The following ADGRL4 variants were observed in gnomAD, a reference collection of about 807,000 sequenced individuals.
ADGRL4 encodes the protein adhesion G protein-coupled receptor L4, also known as EGF, latrophilin and seven transmembrane domain containing 1.
ADGRL4 carries 90 observed loss-of-function variants against 74.8 expected under a neutral mutation model. The observed-to-expected ratio is 1.20, with a 90% CI of 1.02 to 1.43. The LOEUF is 1.43. ADGRL4 is among the 40% of genes most tolerant of loss of function. The pLI, the probability that ADGRL4 is intolerant of heterozygous loss-of-function variation, is 0.00. For missense variants in ADGRL4, 881 were observed against 814.3 expected (o/e 1.08, Z -1.00); for synonymous variants, 311 against 279.2 (o/e 1.11, Z -1.14).
intron 2 of ADGRL4, among the ~76,000 whole-genome samples, chr1:78,953,634 T>C (rs953249019): frequency 5.9e-5 from 9 of 152,126 alleles, no homozygotes; most frequent in Non-Finnish European, 8.8e-5. Context: ...TCATGCACTG[T>C]GTGTGAAGAA....
intron 12 of ADGRL4, among the ~76,000 whole-genome samples, chr1:78,903,497 C>T (rs528532828): frequency 7.9e-5 from 12 of 152,012 alleles, no homozygotes; most frequent in Admixed American, 2.0e-4. Context: ...AATGGTATTA[C>T]AAAACTCAAA....
At chr1:78,991,673 T>C (rs1461024514) in intron 2 of ADGRL4, among the ~76,000 whole-genome samples, 2 of 151,940 alleles carry the variant, frequency 1.3e-5, no homozygotes, top group Non-Finnish European at 2.9e-5. Flanking sequence ...GTGAGAAATA[T>C]AACTCCTAAA....
chr1:78,969,589 C>T (rs1650129187), intron 2 of ADGRL4, among the ~76,000 whole-genome samples: 1 of 152,040 alleles, frequency 6.6e-6, no homozygotes, highest in African/African-American at 2.4e-5. Context: ...TTCATCAAAG[C>T]CAATCCAAAG....
chr1:78,998,656 G>A (rs946473400), intron 2 of ADGRL4, among the ~76,000 whole-genome samples: 7 of 152,022 alleles, frequency 4.6e-5, no homozygotes, highest in East Asian at 1.9e-4. Flanking sequence ...GTCAGCCACC[G>A]CACCCAGCCA....
chr1:78,947,649 A>T (rs1649631302), intron 2 of ADGRL4, among the ~76,000 whole-genome samples: 1 of 152,098 alleles, frequency 6.6e-6, no homozygotes, highest in African/African-American at 2.4e-5. Flanking sequence ...AGAATATAGG[A>T]TAGGTAAGTA....
intron 2 of ADGRL4, among the ~76,000 whole-genome samples, chr1:78,947,813 G>A (rs2100696750): frequency 6.6e-6 from 1 of 152,232 alleles, no homozygotes; most frequent in East Asian, 1.9e-4. Flanking sequence ...ATAAAAACAA[G>A]TCAGGTTTGA....
At chr1:78,897,676 A>C (rs1648426080) in intron 12 of ADGRL4, among the ~76,000 whole-genome samples, 2 of 152,192 alleles carry the variant, frequency 1.3e-5, no homozygotes, top group Non-Finnish European at 2.9e-5. Context: ...GCCAGAAAAA[A>C]TACTTATCTA....
At chr1:78,962,654 A>AAT (rs1649978709) in intron 2 of ADGRL4, among the ~76,000 whole-genome samples, 2 of 152,182 alleles carry the variant, frequency 1.3e-5, no homozygotes, top group Non-Finnish European at 2.9e-5. Flanking sequence ...AATATAGTGA[A>AAT]ATATCATTCA....
Position 79,006,716 on chromosome 1 carries a change from C to T in ADGRL4, c.-62G>A. On this transcript the variant is annotated 5_prime_UTR_variant, in exon 1 of 15. Transcript: ENST00000370742. ...CGGCGGAGTGAGTGCGGCTGTGGACCCGGGACCGGGCGCCGCTGGGCGGGC... is the reference window on the plus strand; with the variant it reads ...CGGCGGAGTGAGTGCGGCTGTGGACTCGGGACCGGGCGCCGCTGGGCGGGC... The T allele has an allele frequency of 7.1e-7, 1 of 1,403,074 alleles. No homozygotes were observed. Among genetic ancestry groups the T allele is most frequent in the East Asian group, 3.0e-5 (1 of 33,226 alleles). 86.9% of individuals were successfully genotyped at this position (1,403,074 alleles called of 1,614,324 possible). A position where few individuals can be genotyped will look rare whatever the true frequency, so the allele number is the denominator to read the frequency against.
At chr1:78,991,716 A>T (rs576443291) in intron 2 of ADGRL4, among the ~76,000 whole-genome samples, 1 of 152,122 alleles carries the variant, frequency 6.6e-6, no homozygotes, top group South Asian at 2.1e-4. Context: ...AATATAGTCA[A>T]CCAACTAAGT....
intron 2 of ADGRL4, among the ~76,000 whole-genome samples, chr1:78,992,813 A>G (rs1427047380): frequency 6.6e-6 from 1 of 152,120 alleles, no homozygotes; most frequent in Non-Finnish European, 1.5e-5. Flanking sequence ...GCTATATAAT[A>G]TATACTGTAC....
Position 78,980,419 on chromosome 1 carries a change from T to C in ADGRL4, c.172+24651A>G, listed in dbSNP as rs551106705. On this transcript the variant is annotated intron_variant, in intron 2 of 14. Transcript: ENST00000370742. ...AGTAAAAACAAAATAAAAAAAACTG[T>C]CTCTTACAATATATCATTGTCTCCA... Among the ~76,000 whole-genome samples, 307 of 152,060 alleles carry C rather than the reference T, an allele frequency of 2.0e-3. 1 individual carries two copies. The highest frequency in any genetic ancestry group is 7.9e-3 in the Admixed American group (120 of 15,226).
At chr1:78,915,990 A>G (rs1648861892) in intron 12 of ADGRL4, among the ~76,000 whole-genome samples, 1 of 151,860 alleles carries the variant, frequency 6.6e-6, no homozygotes, top group Non-Finnish European at 1.5e-5. Flanking sequence ...CCCCTGGTTA[A>G]CCTGGAAATG....
At chr1:79,004,296 G>C (rs1650913517) in intron 2 of ADGRL4, among the ~76,000 whole-genome samples, 1 of 151,766 alleles carries the variant, frequency 6.6e-6, no homozygotes, top group African/African-American at 2.4e-5. Flanking sequence ...TTCTACACAG[G>C]ACGTTGGTCT....
At chr1:78,919,889 C>T (rs375427996) in intron 10 of ADGRL4, among the ~76,000 whole-genome samples, 2 of 151,854 alleles carry the variant, frequency 1.3e-5, no homozygotes, top group South Asian at 4.1e-4. Context: ...CTTTGTTTAA[C>T]GTCCATTTAA....
chr1:78,914,575 A>G (rs1003032221), intron 12 of ADGRL4, among the ~76,000 whole-genome samples: 2 of 151,796 alleles, frequency 1.3e-5, no homozygotes, highest in Non-Finnish European at 2.9e-5. Context: ...ACATTTGAAC[A>G]TTCCTACTTC....
At chr1:78,933,505 T>G (rs1649290178) in intron 7 of ADGRL4, among the ~76,000 whole-genome samples, 1 of 151,494 alleles carries the variant, frequency 6.6e-6, no homozygotes, top group Admixed American at 6.6e-5. Context: ...AAGCATTCCC[T>G]TTGAAAACTG....
chr1:78,920,324 A>G lies in ADGRL4; in HGVS notation c.1320T>C (p.Ile440=). 7 of 1,609,528 alleles carry G rather than the reference A, an allele frequency of 4.3e-6. No individual in the cohort carries two copies. Among genetic ancestry groups the G allele is most frequent in the Non-Finnish European group, 5.9e-6 (7 of 1,176,584 alleles). The change falls in exon 10 of 15, where the codon ATT becomes ATC. Residue 440 remains isoleucine (I), a synonymous_variant. Transcript: ENST00000370742. ...ITQLGIIISL[I]CLAICIFTFW... is the part of the protein sequence containing the mutation. ...AGGTAAAAATGCATATGGCAAGACAAATCAGTGAAATAATTATTCCTAGTT... is the reference window on the plus strand; with the variant it reads ...AGGTAAAAATGCATATGGCAAGACAGATCAGTGAAATAATTATTCCTAGTT...
chr1:78,976,584 T>C (rs1240047679), intron 2 of ADGRL4, among the ~76,000 whole-genome samples: 1 of 151,724 alleles, frequency 6.6e-6, no homozygotes, highest in Non-Finnish European at 1.5e-5. Context: ...ACATGTTAAA[T>C]AATTATATAT....
Sources: gnomAD v4.1 joint callset for allele counts (sites outside exome capture counted in the v4.1 genomes callset) on GRCh38, gnomAD v4.1.1 for gene constraint, MANE v1.5 for transcripts, NCBI Gene and HGNC (gene_info 2026-07-23, HGNC 2026-07-21) for gene names.